Variants in ERCC6 observed in about 807,000 individuals in gnomAD.
ERCC6 encodes ERCC excision repair 6, chromatin remodeling factor, also known as DNA excision repair protein ERCC-6.
Under a neutral mutation model 158.7 loss-of-function variants are expected in ERCC6, and 116 were observed. That is an observed-to-expected ratio of 0.73 (90% CI 0.63 to 0.85). The LOEUF is 0.85. Among genes scored for constraint, ERCC6 ranks in the 40% least tolerant of loss-of-function variants. The pLI, the probability that ERCC6 is intolerant of heterozygous loss-of-function variation, is 0.00. For synonymous variants in ERCC6, 678 were observed against 659.3 expected (o/e 1.03, Z -0.43); for missense variants, 1,698 against 1,799.4 (o/e 0.94, Z 1.02).
At chr10:49,489,675 G>A (rs1446571439) in intron 8 of ERCC6, among the ~76,000 whole-genome samples, 1 of 152,042 alleles carries the variant, frequency 6.6e-6, no homozygotes, top group Non-Finnish European at 1.5e-5. Context: ...AGCAAAAAAA[G>A]GTAGGAGAGA....
chr10:49,472,336 T>C (rs1564730092), intron 16 of ERCC6, 40 bp downstream of exon 16: 1 of 1,560,678 alleles, frequency 6.4e-7, no homozygotes. Context: ...CTCAAGACTC[T>C]GGGAACGCAC....
intron 5 of ERCC6, chr10:49,516,739 C>T: frequency 1.2e-6 from 2 of 1,614,088 alleles, no homozygotes; most frequent in Non-Finnish European, 1.7e-6. Flanking sequence ...GTAACTCTAC[C>T]TGCTACGGGT....
chr10:49,485,819 G>C (rs1590420749), intron 8 of ERCC6, among the ~76,000 whole-genome samples: 1 of 152,086 alleles, frequency 6.6e-6, no homozygotes, highest in East Asian at 1.9e-4. Flanking sequence ...ATATAAAACA[G>C]AAAACAAAAT....
intron 4 of ERCC6, among the ~76,000 whole-genome samples, chr10:49,527,962 T>C (rs1837380058): frequency 1.3e-5 from 2 of 152,180 alleles, no homozygotes; most frequent in Non-Finnish European, 1.5e-5. Flanking sequence ...GTAATGTAAA[T>C]GAAATACTGC....
At chr10:49,474,913 G>A (rs935316639) in intron 12 of ERCC6, among the ~76,000 whole-genome samples, 2 of 152,204 alleles carry the variant, frequency 1.3e-5, no homozygotes, top group African/African-American at 2.4e-5. Context: ...TTGAGAGGAT[G>A]ATTCAAATCA....
intron 3 of ERCC6, 128 bp downstream of exon 3, chr10:49,530,592 A>G (rs1837446289): frequency 6.9e-7 from 1 of 1,449,204 alleles, no homozygotes; most frequent in African/African-American, 1.4e-5. Flanking sequence ...GAAACCCAAA[A>G]TTTCTCTATT....
intron 6 of ERCC6, chr10:49,503,241 C>G (rs1851384845): frequency 6.6e-6 from 1 of 152,038 alleles, no homozygotes; most frequent in South Asian, 2.1e-4. Context: ...CAAAAGGAAC[C>G]TGAGAGGGGG....
At chr10:49,537,689 G>A (rs897416325) in intron 1 of ERCC6, among the ~76,000 whole-genome samples, 1 of 152,102 alleles carries the variant, frequency 6.6e-6, no homozygotes, top group Non-Finnish European at 1.5e-5. Flanking sequence ...AAAGTAAAGT[G>A]AACGTCTTGC....
the ERCC6 span, among the ~76,000 whole-genome samples, chr10:49,435,719 C>T: frequency 6.6e-6 from 1 of 152,064 alleles, no homozygotes; most frequent in African/African-American, 2.4e-5. Context: ...AGGAAGAGGG[C>T]AGGGTGCAAT....
At chr10:49,448,941 T>C in the ERCC6 span, among the ~76,000 whole-genome samples, 1 of 152,224 alleles carries the variant, frequency 6.6e-6, no homozygotes, top group Non-Finnish European at 1.5e-5. Context: ...TGCTAGAGAT[T>C]CATTTACAAG....
chr10:49,503,184 G>A (rs1851383817), intron 6 of ERCC6: 1 of 152,112 alleles, frequency 6.6e-6, no homozygotes, highest in Non-Finnish European at 1.5e-5. Context: ...AGTGCGGAAA[G>A]GAGCAGTTGA....
chr10:49,446,517 T>G, the ERCC6 span, among the ~76,000 whole-genome samples: 1 of 152,224 alleles, frequency 6.6e-6, no homozygotes, highest in South Asian at 2.1e-4. Flanking sequence ...GCCTCATACA[T>G]GTAATCCCAG....
intron 8 of ERCC6, among the ~76,000 whole-genome samples, chr10:49,491,841 G>A (rs1451884395): frequency 2.6e-5 from 4 of 152,152 alleles, no homozygotes; most frequent in African/African-American, 9.7e-5. Flanking sequence ...AAAACACTAA[G>A]AGATGTTAAC....
At chr10:49,452,135 C>G (rs1261605260), downstream of ERCC6, among the ~76,000 whole-genome samples, 1 of 151,474 alleles carries the variant, frequency 6.6e-6, no homozygotes, top group Non-Finnish European at 1.5e-5. Flanking sequence ...TTATTTCCTT[C>G]CTTCTGCTTG....
At chr10:49,441,468 G>T in the ERCC6 span, among the ~76,000 whole-genome samples, 4 of 152,180 alleles carry the variant, frequency 2.6e-5, no homozygotes, top group Non-Finnish European at 4.4e-5. Flanking sequence ...GTGAAAGCAG[G>T]ACTAATGAAA....
intron 1 of ERCC6, 36 bp from the exon 2 acceptor site, chr10:49,533,014 A>T: frequency 6.2e-7 from 1 of 1,604,294 alleles, no homozygotes; most frequent in Non-Finnish European, 8.5e-7. Flanking sequence ...TTTTCGTTAT[A>T]TAGGATTCAT....
At position 49,456,856 on chromosome 10, in the gene ERCC6, C is replaced by G. The variant is rs1850491986; in HGVS notation, c.*1959G>C. 1 of 151,796 alleles carries G rather than the reference C, an allele frequency of 6.6e-6. No homozygotes were observed. Among genetic ancestry groups the G allele is most frequent in the Non-Finnish European group, 1.5e-5 (1 of 67,930 alleles). The allele number at this position is 151,796 out of a possible 1,614,324, so 9.4% of individuals were successfully genotyped here. On this transcript the variant is annotated 3_prime_UTR_variant, in exon 21 of 21. Coordinates refer to ENST00000355832, the MANE Select transcript of ERCC6 (RefSeq NM_000124.4). ...GCCAGGAGGCACGGTAACAATGTGT[C>G]AGATCTCCACACTGAGACACCACCT...
downstream of ERCC6, among the ~76,000 whole-genome samples, chr10:49,449,560 C>CTTTTTTT (rs71026248): frequency 7.2e-3 from 490 of 68,066 alleles, 90 homozygotes; most frequent in African/African-American, 0.028. Flanking sequence ...ATAGTTAGGT[C>CTTTTTTT]TTTTTTTTTT....
At chr10:49,528,362 A>ACAGGCAT (rs1837389979) in intron 4 of ERCC6, 55 bp downstream of exon 4, 2 of 1,591,988 alleles carry the variant, frequency 1.3e-6, no homozygotes, top group Admixed American at 1.7e-5. Flanking sequence ...TCCACTGACT[A>ACAGGCAT]CAGGCATCAG....
Sources: gnomAD v4.1 joint callset for allele counts (sites outside exome capture counted in the v4.1 genomes callset) on GRCh38, gnomAD v4.1.1 for gene constraint, MANE v1.5 for transcripts, NCBI Gene and HGNC (gene_info 2026-07-23, HGNC 2026-07-21) for gene names.